Variants in CYRIA observed in about 807,000 individuals in gnomAD.
CYRIA encodes CYFIP-related Rac1 interactor A.
A neutral mutation model predicts 43.9 loss-of-function variants in CYRIA; 15 were observed. The observed-to-expected ratio is 0.34, with a 90% confidence interval of 0.23 to 0.53. CYRIA has a LOEUF of 0.53. Ranked by LOEUF, CYRIA falls within the 20% of genes least tolerant of loss-of-function variation. The pLI, the probability that CYRIA is intolerant of heterozygous loss-of-function variation, is 0.94. For synonymous variants in CYRIA, 117 were observed against 136.0 expected, an observed-to-expected ratio of 0.86 and a Z score of 0.97; for missense variants, 236 against 394.2, an observed-to-expected ratio of 0.60 and a Z score of 3.40.
chr2:16,658,115 C>G (rs535281417), intron 1 of CYRIA, among the ~76,000 whole-genome samples: 1 of 152,100 alleles, frequency 6.6e-6, no homozygotes, highest in African/African-American at 2.4e-5. Context: ...AGTGCATGTA[C>G]AGTGCTTGAT....
intron 2 of CYRIA, among the ~76,000 whole-genome samples, chr2:16,621,734 T>C (rs958171558): frequency 6.6e-6 from 1 of 152,204 alleles, no homozygotes; most frequent in Non-Finnish European, 1.5e-5. Context: ...AATAATGCCT[T>C]ATCCAGAGGT....
intron 3 of CYRIA, among the ~76,000 whole-genome samples, chr2:16,586,638 C>G (rs1667737200): frequency 8.8e-6 from 1 of 113,502 alleles, no homozygotes; most frequent in Non-Finnish European, 1.8e-5. Flanking sequence ...TTAAAACCTG[C>G]CAAAGACACC....
Position 16,551,391 on chromosome 2 carries a change from T to C in CYRIA, c.*1545A>G, listed in dbSNP as rs1204168670. Reference sequence around the variant, plus strand: ...TCTAGTGGAAACAGGCAAGTAACAATATAGACCAGACTGAGGATTTACTTA... The same window carrying C: ...TCTAGTGGAAACAGGCAAGTAACAACATAGACCAGACTGAGGATTTACTTA... On this transcript the variant is annotated 3_prime_UTR_variant, in exon 12 of 12. Transcript: ENST00000381323. The C allele has an allele frequency of 6.6e-6, 1 of 152,106 alleles. No individual in the cohort carries two copies. Among genetic ancestry groups the C allele is most frequent in the Non-Finnish European group, 1.5e-5 (1 of 68,018 alleles). The allele number at this position is 152,106 out of a possible 1,614,324, so 9.4% of individuals were successfully genotyped here. A position where few individuals can be genotyped will look rare whatever the true frequency, so the allele number is the denominator to read the frequency against.
intron 11 of CYRIA, among the ~76,000 whole-genome samples, chr2:16,553,233 G>A (rs994686819): frequency 6.6e-5 from 10 of 152,136 alleles, no homozygotes; most frequent in African/African-American, 2.4e-4. Flanking sequence ...TAATTACACA[G>A]AGGAGATATG....
At chr2:16,615,880 G>A (rs1307668136) in intron 2 of CYRIA, among the ~76,000 whole-genome samples, 1 of 152,224 alleles carries the variant, frequency 6.6e-6, no homozygotes, top group East Asian at 1.9e-4. Context: ...GTGCAAACTG[G>A]GAGGTGCAGA....
rs71297007 is a variant in CYRIA at position 16,575,878 on chromosome 2, AAAAT to A, written c.71-10115_71-10112del. On this transcript the variant is annotated intron_variant, in intron 3 of 11. Transcript: ENST00000381323. ...CTCAAAAAAATAAAAATAAATAAAT[AAAAT>A]AAATAAATAAATAAATAAATAAATA... Among the ~76,000 whole-genome samples the A allele has an allele frequency of 3.2e-3, 479 of 147,990 alleles. 1 individual carries two copies. Among genetic ancestry groups the A allele is most frequent in the African/African-American group, 7.5e-3 (300 of 40,212 alleles).
chr2:16,645,994 A>G (rs532899729), intron 1 of CYRIA, among the ~76,000 whole-genome samples: 6 of 152,338 alleles, frequency 3.9e-5, no homozygotes, highest in Admixed American at 1.3e-4. Context: ...CAAATGCCCA[A>G]TGAATAATTC....
chr2:16,621,121 C>T (rs1668979743), intron 2 of CYRIA, among the ~76,000 whole-genome samples: 1 of 152,160 alleles, frequency 6.6e-6, no homozygotes, highest in Non-Finnish European at 1.5e-5. Context: ...CTCATTTATA[C>T]CCAGTGCCTG....
intron 3 of CYRIA, among the ~76,000 whole-genome samples, chr2:16,569,924 T>C (rs1667069834): frequency 6.6e-6 from 1 of 152,078 alleles, no homozygotes; most frequent in Non-Finnish European, 1.5e-5. Flanking sequence ...GAACAAACAG[T>C]TGAACAATTT....
intron 2 of CYRIA, among the ~76,000 whole-genome samples, chr2:16,593,719 T>TG (rs1558418726): frequency 1.6e-3 from 25 of 15,624 alleles, no homozygotes; most frequent in South Asian, 3.0e-3. Context: ...TGTGTGTGTG[T>TG]TTTTTTTTTT....
intron 4 of CYRIA, among the ~76,000 whole-genome samples, chr2:16,564,746 C>T (rs1206275849): frequency 6.6e-6 from 1 of 152,100 alleles, no homozygotes; most frequent in African/African-American, 2.4e-5. Context: ...AATGCTTTCA[C>T]ATAAAAAGAG....
At chr2:16,616,050 G>C (rs1397212082) in intron 2 of CYRIA, among the ~76,000 whole-genome samples, 1 of 152,194 alleles carries the variant, frequency 6.6e-6, no homozygotes, top group Non-Finnish European at 1.5e-5. Context: ...CTGATGTCGG[G>C]GGAGAACAAG....
intron 1 of CYRIA, among the ~76,000 whole-genome samples, chr2:16,635,552 G>C (rs1448797682): frequency 6.6e-6 from 1 of 152,168 alleles, no homozygotes; most frequent in African/African-American, 2.4e-5. Flanking sequence ...TCTTTAGCAA[G>C]CCTATACTCC....
chr2:16,557,369 C>T lies in CYRIA; in HGVS notation c.837+2091G>A, dbSNP rs1345365797. On this transcript the variant is annotated intron_variant, in intron 10 of 11. Transcript: ENST00000381323. Reference sequence around the variant, plus strand: ...GAGCTCACTGCATGTCTATTCTGCACTCCAAAGCATGCCCTTTGTAAGTAC... The same window carrying T: ...GAGCTCACTGCATGTCTATTCTGCATTCCAAAGCATGCCCTTTGTAAGTAC... 2.0e-5 allele frequency among the ~76,000 whole-genome samples: 3 copies of T among 152,094 alleles called. No individual in the cohort carries two copies. In the East Asian group the frequency reaches 5.8e-4, roughly 29 times the overall value.
rs558204325 is a variant in CYRIA at position 16,665,360 on chromosome 2, C to T, written c.-167+420G>A. Among the ~76,000 whole-genome samples the T allele has an allele frequency of 1.4e-4, 21 of 151,978 alleles. No individual in the cohort carries two copies. The South Asian group carries it at 4.4e-3, about 32-fold the overall frequency. On this transcript the variant is annotated intron_variant, in intron 1 of 11. Transcript: ENST00000381323. ...GTGCAGGGGCTGGGGAGGGGGCCAT[C>T]CCTCCCTTTGGGGCTGTAGAGAGTA...
At chr2:16,602,364 ATT>A (rs200880691) in intron 2 of CYRIA, among the ~76,000 whole-genome samples, 1 of 149,268 alleles carries the variant, frequency 6.7e-6, no homozygotes, top group South Asian at 2.1e-4. Flanking sequence ...GACTCATCCA[ATT>A]TTTTTTTTGG....
chr2:16,591,272 G>A (rs1313939257), intron 2 of CYRIA, among the ~76,000 whole-genome samples: 1 of 152,138 alleles, frequency 6.6e-6, no homozygotes, highest in Non-Finnish European at 1.5e-5. Context: ...GATAAAGCTA[G>A]AGGCAAGAAA....
rs183722578 is a variant in CYRIA at position 16,558,168 on chromosome 2, G to A, written c.837+1292C>T. ...TCTGCCTATGGTGAGGTTATTACAG[G>A]ATATATTTAATTTACTATGTCTTGA... On this transcript the variant is annotated intron_variant, in intron 10 of 11. Coordinates refer to ENST00000381323, the MANE Select transcript of CYRIA (RefSeq NM_030797.4). Among the ~76,000 whole-genome samples, 979 of 151,792 alleles carry A rather than the reference G, an allele frequency of 6.4e-3. 6 individuals carry two copies. Among genetic ancestry groups the A allele is most frequent in the Admixed American group, 9.4e-3 (143 of 15,264 alleles).
At chr2:16,611,358 C>G (rs1302684041) in intron 2 of CYRIA, among the ~76,000 whole-genome samples, 1 of 152,172 alleles carries the variant, frequency 6.6e-6, no homozygotes, top group East Asian at 1.9e-4. Flanking sequence ...AGAGAGACGC[C>G]ATCTCAAAAA....
Sources: gnomAD v4.1 joint callset for allele counts (sites outside exome capture counted in the v4.1 genomes callset) on GRCh38, gnomAD v4.1.1 for gene constraint, MANE v1.5 for transcripts, NCBI Gene and HGNC (gene_info 2026-07-23, HGNC 2026-07-21) for gene names.